The following SLC25A21 variants were observed in gnomAD, a reference collection of about 807,000 sequenced individuals.
SLC25A21 encodes solute carrier family 25 member 21.
A neutral mutation model predicts 43.8 loss-of-function variants in SLC25A21; 47 were observed. That is an observed-to-expected ratio of 1.07 (90% confidence interval 0.85 to 1.37). The LOEUF (loss-of-function observed/expected upper bound fraction) is 1.37. Among genes scored for constraint, SLC25A21 ranks in the 40% most tolerant of loss-of-function variants. The pLI is 0.00. For missense variants in SLC25A21, 352 were observed against 350.2 expected, an observed-to-expected ratio of 1.00 and a Z score of -0.04; for synonymous variants, 131 against 121.3, an observed-to-expected ratio of 1.08 and a Z score of -0.52.
At chr14:36,741,159 G>A (rs918084250) in intron 3 of SLC25A21, among the ~76,000 whole-genome samples, 1 of 152,054 alleles carries the variant, frequency 6.6e-6, no homozygotes, top group Non-Finnish European at 1.5e-5. Context: ...TTCTAATTTA[G>A]TATGTAGAAA....
At chr14:37,166,796 A>C (rs1174445102) in intron 1 of SLC25A21, among the ~76,000 whole-genome samples, 5 of 152,210 alleles carry the variant, frequency 3.3e-5, no homozygotes, top group Non-Finnish European at 5.9e-5. Context: ...TGAAGCTAGG[A>C]AAGTTCTTTG....
At chr14:37,171,479 A>T (rs1352270465) in intron 1 of SLC25A21, among the ~76,000 whole-genome samples, 2 of 152,142 alleles carry the variant, frequency 1.3e-5, no homozygotes, top group Admixed American at 6.6e-5. Flanking sequence ...TTTTCTGGTT[A>T]TGAGCCAATT....
chr14:37,169,580 AAC>A (rs1321339179), intron 1 of SLC25A21, among the ~76,000 whole-genome samples: 25 of 145,294 alleles, frequency 1.7e-4, no homozygotes, highest in Admixed American at 1.2e-3. Flanking sequence ...AAAAGGTCAT[AAC>A]ACACACACAC....
intron 1 of SLC25A21, among the ~76,000 whole-genome samples, chr14:36,899,385 C>T (rs1891339027): frequency 6.6e-6 from 1 of 152,236 alleles, no homozygotes; most frequent in Non-Finnish European, 1.5e-5. Context: ...ATAACCAAAT[C>T]TGCATACAAA....
At chr14:37,113,074 C>T (rs1196624796) in intron 1 of SLC25A21, among the ~76,000 whole-genome samples, 1 of 152,114 alleles carries the variant, frequency 6.6e-6, no homozygotes, top group Non-Finnish European at 1.5e-5. Flanking sequence ...TCAAGTCACA[C>T]TAAGAGAGCT....
chr14:37,105,499 A>C (rs967069764), intron 1 of SLC25A21, among the ~76,000 whole-genome samples: 1 of 152,156 alleles, frequency 6.6e-6, no homozygotes, highest in Non-Finnish European at 1.5e-5. Context: ...AATCACCACA[A>C]AGCAAATTGC....
chr14:37,094,426 T>C (rs1962647404), intron 1 of SLC25A21, among the ~76,000 whole-genome samples: 1 of 152,088 alleles, frequency 6.6e-6, no homozygotes. Context: ...TAATGCCCAG[T>C]TTGACGAGAA....
chr14:36,737,983 T>C (rs1332956380), intron 3 of SLC25A21, among the ~76,000 whole-genome samples: 1 of 152,206 alleles, frequency 6.6e-6, no homozygotes, highest in Non-Finnish European at 1.5e-5. Context: ...TTAAATTCTC[T>C]CTTTTACTTA....
At chr14:37,054,399 T>C (rs902419239) in intron 1 of SLC25A21, among the ~76,000 whole-genome samples, 1 of 152,226 alleles carries the variant, frequency 6.6e-6, no homozygotes, top group Non-Finnish European at 1.5e-5. Flanking sequence ...TGATATAAAA[T>C]ACAATTTTTT....
intron 1 of SLC25A21, among the ~76,000 whole-genome samples, chr14:36,979,322 TG>T (rs1171495604): frequency 1.6e-5 from 2 of 128,590 alleles, no homozygotes; most frequent in Non-Finnish European, 3.1e-5. Context: ...ATTAAGGTAG[TG>T]TTTTTTTGGT....
intron 1 of SLC25A21, among the ~76,000 whole-genome samples, chr14:36,963,623 G>A (rs140489438): frequency 2.0e-5 from 3 of 152,118 alleles, no homozygotes; most frequent in East Asian, 1.9e-4. Flanking sequence ...ACACGGGGCC[G>A]CTACAACCTT....
intron 1 of SLC25A21, among the ~76,000 whole-genome samples, chr14:37,040,440 A>AAAGT (rs68013942): frequency 4.1e-5 from 2 of 48,674 alleles, no homozygotes; most frequent in Admixed American, 3.2e-4. Context: ...AGAAAGAAAG[A>AAAGT]AAAGAAAAAT....
chr14:37,050,047 T>C (rs976562540), intron 1 of SLC25A21, among the ~76,000 whole-genome samples: 7 of 152,246 alleles, frequency 4.6e-5, no homozygotes, highest in Admixed American at 4.6e-4. Context: ...AATATAATTT[T>C]GCATACTTCT....
At chr14:37,080,938 T>C (rs1421181385) in intron 1 of SLC25A21, among the ~76,000 whole-genome samples, 1 of 152,166 alleles carries the variant, frequency 6.6e-6, no homozygotes, top group African/African-American at 2.4e-5. Flanking sequence ...AAGTTGTAGG[T>C]AGAATGAATA....
At chr14:36,718,426 C>T (rs545609631) in intron 6 of SLC25A21, among the ~76,000 whole-genome samples, 86 of 152,314 alleles carry the variant, frequency 5.6e-4, no homozygotes, top group South Asian at 1.4e-3. Flanking sequence ...AATACATCAT[C>T]ATGAATGTTG....
chr14:36,715,126 A>G (rs912753884), intron 6 of SLC25A21, among the ~76,000 whole-genome samples: 2 of 152,228 alleles, frequency 1.3e-5, no homozygotes, highest in Non-Finnish European at 2.9e-5. Context: ...GAGTTTGACA[A>G]TCCAACTGAT....
At chr14:37,016,364 G>A (rs568800089) in intron 1 of SLC25A21, among the ~76,000 whole-genome samples, 47 of 152,148 alleles carry the variant, frequency 3.1e-4, no homozygotes, top group South Asian at 8.3e-4. Context: ...GATATGCGGC[G>A]TTATTTCTGA....
intron 1 of SLC25A21, among the ~76,000 whole-genome samples, chr14:36,999,090 A>G (rs976384381): frequency 6.6e-6 from 1 of 152,126 alleles, no homozygotes; most frequent in Non-Finnish European, 1.5e-5. Context: ...ACAAAAACCT[A>G]TATGGGATGT....
At chr14:36,876,938 T>C (rs1054203629) in intron 1 of SLC25A21, among the ~76,000 whole-genome samples, 2 of 76,642 alleles carry the variant, frequency 2.6e-5, no homozygotes, top group South Asian at 8.2e-4. Context: ...GATAGATAGA[T>C]ACACACACAC....
Sources: gnomAD v4.1 joint callset for allele counts (sites outside exome capture counted in the v4.1 genomes callset) on GRCh38, gnomAD v4.1.1 for gene constraint, MANE v1.5 for transcripts, NCBI Gene and HGNC (gene_info 2026-07-23, HGNC 2026-07-21) for gene names.